Variants in CAPN5 observed in about 807,000 individuals in gnomAD.
CAPN5 encodes the protein calpain-5.
In CAPN5, 54 loss-of-function variants were observed where a neutral mutation model predicts 73.0. The observed-to-expected ratio is 0.74, with a 90% CI of 0.59 to 0.93. The LOEUF is 0.93. Among genes scored for constraint, CAPN5 ranks in the 40% least tolerant of loss-of-function variants. The pLI, the probability that CAPN5 is intolerant of heterozygous loss-of-function variation, is 0.00. For synonymous variants in CAPN5, 335 were observed against 356.9 expected (o/e 0.94, Z 0.69); for missense variants, 785 against 882.9 (o/e 0.89, Z 1.41).
rs188494222 is a variant in CAPN5, at chr11:77,125,637, T to C, written c.*1767T>C. On this transcript the variant is annotated 3_prime_UTR_variant, in exon 13 of 13. Transcript: ENST00000648180. The stretch of plus-strand genomic sequence containing the variant: ...CACTATATATATATATATATATATA[T>C]ATACATTCATGTAATCACCACTTCT... 1,051 of 146,790 alleles carry C rather than the reference T, an allele frequency of 7.2e-3. 5 individuals carry two copies. Among genetic ancestry groups the C allele is most frequent in the Non-Finnish European group, 9.8e-3 (660 of 67,142 alleles). The allele number at this position is 146,790 out of a possible 1,614,324, so 9.1% of individuals were successfully genotyped here. A position where few individuals can be genotyped will look rare whatever the true frequency, so the allele number is the denominator to read the frequency against.
rs58077755 is a variant in CAPN5 at position 77,097,464 on chromosome 11, G to GTTTTTTT, written c.297+3670_297+3676dup. Among the ~76,000 whole-genome samples the GTTTTTTT allele has an allele frequency of 4.8e-3, 384 of 79,606 alleles. 2 individuals carry two copies. Among genetic ancestry groups the GTTTTTTT allele is most frequent in the Non-Finnish European group, 5.7e-3 (245 of 42,706 alleles). 52.2% of individuals were successfully genotyped at this position (79,606 alleles called of 152,430 possible). A position where few individuals can be genotyped will look rare whatever the true frequency, so the allele number is the denominator to read the frequency against. ...AAGGGGTTTCCTGTGTTTCCTTCTA[G>GTTTTTTT]TTTTTTTTTTTTTTTTTTTTTTTTT... is the stretch of plus-strand genomic sequence containing the variant. On this transcript the variant is annotated intron_variant, in intron 3 of 12. Coordinates refer to ENST00000648180, the MANE Select transcript of CAPN5 (RefSeq NM_004055.5).
At chr11:77,110,456 TG>T (rs547787727) in intron 3 of CAPN5, among the ~76,000 whole-genome samples, 138 of 151,542 alleles carry the variant, frequency 9.1e-4, no homozygotes, top group Non-Finnish European at 8.3e-4. Flanking sequence ...GACAGAAAAG[TG>T]GGGGTGAGGA....
Position 77,087,960 on chromosome 11 carries a change from G to C in CAPN5, c.165+2909G>C, listed in dbSNP as rs1365176174. The C allele has an allele frequency of 2.6e-6, 4 of 1,535,912 alleles. No homozygotes were observed. The African/African-American group carries it at 5.5e-5, about 21-fold the overall frequency. On this transcript the variant is annotated intron_variant, in intron 2 of 12. Transcript: ENST00000648180. ...TTTCCAGTACAGTGGCCATTCGCTG[G>C]CCCCTCACAGGCCTGGCTGGGGAGA...
intron 2 of CAPN5, among the ~76,000 whole-genome samples, chr11:77,086,867 C>T (rs1950091573): frequency 1.3e-5 from 2 of 152,230 alleles, no homozygotes; most frequent in African/African-American, 2.4e-5. Context: ...CAGGTTGGCC[C>T]GCTTGGTACT....
At chr11:77,075,440 G>T (rs1555033768) in intron 1 of CAPN5, among the ~76,000 whole-genome samples, 1 of 152,202 alleles carries the variant, frequency 6.6e-6, no homozygotes, top group East Asian at 1.9e-4. Flanking sequence ...AGAGGAGGAG[G>T]CTGGGACCAG....
intron 2 of CAPN5, among the ~76,000 whole-genome samples, chr11:77,086,768 C>G (rs1274666115): frequency 6.6e-6 from 1 of 152,224 alleles, no homozygotes; most frequent in Non-Finnish European, 1.5e-5. Context: ...TGGCCATTGC[C>G]CAGACATTTT....
intron 3 of CAPN5, among the ~76,000 whole-genome samples, chr11:77,099,896 G>A (rs1950266483): frequency 6.6e-6 from 1 of 152,116 alleles, no homozygotes; most frequent in Non-Finnish European, 1.5e-5. Context: ...GAGTGCAATG[G>A]TGCGATCACG....
At chr11:77,094,192 A>T (rs962550600) in intron 3 of CAPN5, among the ~76,000 whole-genome samples, 11 of 152,290 alleles carry the variant, frequency 7.2e-5, no homozygotes, top group African/African-American at 2.6e-4. Flanking sequence ...CTGCTGTGTG[A>T]CTCAGCTGGT....
At chr11:77,107,586 G>A (rs1359144607) in intron 3 of CAPN5, among the ~76,000 whole-genome samples, 4 of 152,144 alleles carry the variant, frequency 2.6e-5, no homozygotes, top group Non-Finnish European at 5.9e-5. Context: ...GCAGCCACTT[G>A]GGTCTAGGTG....
At chr11:77,103,851 C>G (rs1342975389) in intron 3 of CAPN5, among the ~76,000 whole-genome samples, 1 of 152,164 alleles carries the variant, frequency 6.6e-6, no homozygotes, top group South Asian at 2.1e-4. Flanking sequence ...CATAACACGT[C>G]GACAACCCTC....
intron 1 of CAPN5, among the ~76,000 whole-genome samples, chr11:77,077,994 A>G (rs992420691): frequency 6.6e-6 from 1 of 151,780 alleles, no homozygotes; most frequent in African/African-American, 2.4e-5. Flanking sequence ...GTTTGCAAAC[A>G]TTTTTCCCAT....
At chr11:77,114,488 G>T in intron 5 of CAPN5, 54 bp downstream of exon 5, 1 of 1,500,310 alleles carries the variant, frequency 6.7e-7, no homozygotes, top group South Asian at 1.1e-5. Flanking sequence ...CTCGCTGACT[G>T]AGATGGGAGA....
chr11:77,122,054 G>A lies in CAPN5; in HGVS notation c.1603+5G>A. 6.6e-7 allele frequency: 1 copy of A among 1,526,590 alleles called. No individual in the cohort carries two copies. The highest frequency in any genetic ancestry group is 8.9e-7 in the Non-Finnish European group (1 of 1,129,842). The allele number at this position is 1,526,590 out of a possible 1,614,324, so 94.6% of individuals were successfully genotyped here. ...GCCTCAAGGACTCCCCAACAGGTGA[G>A]CTCTCCCAGGGAGAGTCCCCCGGCC... On this transcript the variant is annotated splice_donor_5th_base_variant and intron_variant, in intron 11 of 12. Transcript: ENST00000648180.
intron 2 of CAPN5, among the ~76,000 whole-genome samples, chr11:77,085,313 G>A (rs1950074448): frequency 6.6e-6 from 1 of 152,174 alleles, no homozygotes; most frequent in African/African-American, 2.4e-5. Context: ...GGAAAAATGG[G>A]GCAGTAACCT....
Position 77,102,152 on chromosome 11 carries a change from A to G in CAPN5, c.297+8339A>G, listed in dbSNP as rs537772728. Reference sequence around the variant, plus strand: ...ATCTGTGTGTTAAGTCCTGAGAGTGAGTCTGATGCTCACTCAAGTCTTGAG... The same window carrying G: ...ATCTGTGTGTTAAGTCCTGAGAGTGGGTCTGATGCTCACTCAAGTCTTGAG... On this transcript the variant is annotated intron_variant, in intron 3 of 12. Coordinates refer to ENST00000648180, the MANE Select transcript of CAPN5 (RefSeq NM_004055.5). 2.6e-5 allele frequency among the ~76,000 whole-genome samples: 4 copies of G among 152,218 alleles called. No individual in the cohort carries two copies. The South Asian group carries it at 8.3e-4, about 32-fold the overall frequency.
At chr11:77,073,149 A>G in intron 1 of CAPN5, 1 of 1,281,712 alleles carries the variant, frequency 7.8e-7, no homozygotes, top group South Asian at 1.2e-5. Flanking sequence ...TAGGGTGGCC[A>G]CCGCACTGGG....
intron 5 of CAPN5, among the ~76,000 whole-genome samples, 155 bp downstream of exon 5, chr11:77,114,589 T>G (rs1555041380): frequency 2.6e-5 from 4 of 152,214 alleles, no homozygotes; most frequent in Admixed American, 2.0e-4. Flanking sequence ...TGCAACCCCC[T>G]GCCCAGACCC....
Position 77,094,945 on chromosome 11 carries a change from C to T in CAPN5, c.297+1132C>T, listed in dbSNP as rs529977686. 7.9e-5 allele frequency among the ~76,000 whole-genome samples: 12 copies of T among 152,338 alleles called. No homozygotes were observed. In the East Asian group the frequency reaches 2.1e-3, roughly 27 times the overall value. On this transcript the variant is annotated intron_variant, in intron 3 of 12. Transcript: ENST00000648180. ...CCTTGGCCATCAGAGGGAGCAGTGC[C>T]CTTGGGCAAGGCTGAGACTCTGGTA...
chr11:77,103,470 A>G (rs34197927), intron 3 of CAPN5: 172,420 of 980,286 alleles, frequency 0.18, 15,959 homozygotes, highest in Middle Eastern at 0.22. Flanking sequence ...CCTGAGTCCC[A>G]CACCTTTCCT....
Sources: gnomAD v4.1 joint callset for allele counts (sites outside exome capture counted in the v4.1 genomes callset) on GRCh38, gnomAD v4.1.1 for gene constraint, MANE v1.5 for transcripts, NCBI Gene and HGNC (gene_info 2026-07-23, HGNC 2026-07-21) for gene names.